The following EIF4E3 variants were observed in gnomAD, a reference collection of about 807,000 sequenced individuals.
EIF4E3 encodes eukaryotic translation initiation factor 4E type 3.
EIF4E3 carries 26 observed loss-of-function variants against 31.7 expected under a neutral mutation model. The observed-to-expected ratio is 0.82, with a 90% CI of 0.60 to 1.14. The LOEUF is 1.14. EIF4E3 is among the 50% of genes most tolerant of loss of function. The probability of loss-of-function intolerance (pLI) is 0.00; values close to 1 mark genes in which losing one functional copy is unlikely to be tolerated. For synonymous variants in EIF4E3, 128 were observed against 107.7 expected (o/e 1.19, Z -1.17); for missense variants, 304 against 270.9 (o/e 1.12, Z -0.86).
upstream of EIF4E3, among the ~76,000 whole-genome samples, chr3:71,726,572 T>TAA (rs895265836): frequency 2.6e-5 from 4 of 152,248 alleles, no homozygotes; most frequent in African/African-American, 9.6e-5. Flanking sequence ...ATTGACCTTC[T>TAA]ACCTGGCCTA....
chr3:71,732,543 A>G (rs991289838), intron 1 of EIF4E3, among the ~76,000 whole-genome samples: 2 of 152,230 alleles, frequency 1.3e-5, no homozygotes, highest in African/African-American at 4.8e-5. Context: ...TCCTCCTGTT[A>G]GGCACACAGA....
intron 5 of EIF4E3, among the ~76,000 whole-genome samples, chr3:71,691,136 T>G (rs904177947): frequency 2.0e-5 from 3 of 152,232 alleles, no homozygotes; most frequent in Admixed American, 1.3e-4. Context: ...CGGTCAGCTC[T>G]CTGCACTTTC....
chr3:71,741,121 T>C (rs2049816019), intron 1 of EIF4E3, among the ~76,000 whole-genome samples: 1 of 151,808 alleles, frequency 6.6e-6, no homozygotes, highest in Non-Finnish European at 1.5e-5. Context: ...GGCAACAGGG[T>C]GAGACTCCAT....
chr3:71,712,052 G>A (rs922543040), intron 1 of EIF4E3, among the ~76,000 whole-genome samples: 1 of 152,154 alleles, frequency 6.6e-6, no homozygotes, highest in Non-Finnish European at 1.5e-5. Context: ...CACAATCACG[G>A]ACTAGTTTGG....
At chr3:71,754,632 G>A, upstream of EIF4E3, 5 of 1,474,860 alleles carry the variant, frequency 3.4e-6, no homozygotes, top group African/African-American at 1.5e-5. The surrounding 1 kb of genome is among the most constrained non-coding windows in gnomAD (Gnocchi z 5.8). Flanking sequence ...CGTGGTGGTG[G>A]GCGCCACGCA....
At chr3:71,702,227 G>A (rs1443589710) in intron 2 of EIF4E3, among the ~76,000 whole-genome samples, 2 of 152,212 alleles carry the variant, frequency 1.3e-5, no homozygotes, top group Admixed American at 6.5e-5. Context: ...CAAGAGGCTG[G>A]TGGTTGTCAA....
rs551678010 is a variant in EIF4E3 at position 71,678,050 on chromosome 3, C to G, written c.*6632G>C. On this transcript the variant is annotated 3_prime_UTR_variant, in exon 7 of 7. Transcript: ENST00000425534. The stretch of plus-strand genomic sequence containing the variant: ...TACTCCCCATCAGAATACCAGATAA[C>G]CTACTAAGCGTCAGACTCCATGCTA... The G allele has an allele frequency of 7.9e-5, 12 of 152,206 alleles. No individual in the cohort carries two copies. The highest frequency in any genetic ancestry group is 2.1e-4 in the South Asian group (1 of 4,814). The allele number at this position is 152,206 out of a possible 1,614,324, so 9.4% of individuals were successfully genotyped here. A position where few individuals can be genotyped will look rare whatever the true frequency, so the allele number is the denominator to read the frequency against.
chr3:71,666,953 A>C, the EIF4E3 span, among the ~76,000 whole-genome samples: 1 of 152,164 alleles, frequency 6.6e-6, no homozygotes, highest in African/African-American at 2.4e-5. Flanking sequence ...AAAAAGAAAA[A>C]AGAAAATTTC....
intron 3 of EIF4E3, 47 bp downstream of exon 3, chr3:71,699,567 A>G (rs1201374536): frequency 6.5e-7 from 1 of 1,529,420 alleles, no homozygotes; most frequent in Admixed American, 1.7e-5. Context: ...GAGGTTCACA[A>G]ACATTTTCCT....
chr3:71,708,834 T>C (rs1209890406), intron 2 of EIF4E3, among the ~76,000 whole-genome samples: 1 of 152,156 alleles, frequency 6.6e-6, no homozygotes, highest in African/African-American at 2.4e-5. Flanking sequence ...TCTTAGCGCG[T>C]TGATTTCTCT....
intron 1 of EIF4E3, among the ~76,000 whole-genome samples, chr3:71,741,420 T>C (rs1277547552): frequency 6.6e-6 from 1 of 152,208 alleles, no homozygotes; most frequent in Non-Finnish European, 1.5e-5. Flanking sequence ...TTATTTGGAA[T>C]GAAGAGGGTC....
intron 1 of EIF4E3, among the ~76,000 whole-genome samples, chr3:71,721,163 A>T (rs1304489423): frequency 6.6e-6 from 1 of 152,332 alleles, no homozygotes; most frequent in African/African-American, 2.4e-5. Context: ...AGACTTGCAA[A>T]TGATTAGCAG....
intron 3 of EIF4E3, among the ~76,000 whole-genome samples, chr3:71,697,545 C>T (rs2049156810): frequency 6.6e-6 from 1 of 152,148 alleles, no homozygotes; most frequent in South Asian, 2.1e-4. Flanking sequence ...ACCCATTAAC[C>T]ATCCCCTGTT....
chr3:71,726,309 G>A (rs746198422), upstream of EIF4E3, among the ~76,000 whole-genome samples: 2 of 152,202 alleles, frequency 1.3e-5, no homozygotes, highest in South Asian at 2.1e-4. Flanking sequence ...AACACAGAGC[G>A]CTCTGCTTCC....
chr3:71,723,953 C>T (rs556269838), intron 1 of EIF4E3, among the ~76,000 whole-genome samples: 37 of 150,970 alleles, frequency 2.5e-4, no homozygotes, highest in Admixed American at 1.1e-3. Context: ...TATAAGAACC[C>T]AAAAGGAAAA....
chr3:71,708,276 G>T (rs2049323229), intron 2 of EIF4E3, among the ~76,000 whole-genome samples: 1 of 152,124 alleles, frequency 6.6e-6, no homozygotes, highest in Non-Finnish European at 1.5e-5. Context: ...GTAACAGAAT[G>T]AATGTAATGT....
chr3:71,724,812 C>T (rs2049605916), intron 1 of EIF4E3, among the ~76,000 whole-genome samples: 1 of 152,172 alleles, frequency 6.6e-6, no homozygotes, highest in South Asian at 2.1e-4. Context: ...CCAGGCGCCC[C>T]GCGGGGTAAG....
At position 71,682,221 on chromosome 3, in the gene EIF4E3, T is replaced by C. The variant is rs2048932692; in HGVS notation, c.*2461A>G. 2.0e-5 allele frequency: 3 copies of C among 152,332 alleles called. No homozygotes were observed. The highest frequency in any genetic ancestry group is 3.9e-4 in the East Asian group (2 of 5,182). 9.4% of individuals were successfully genotyped at this position (152,332 alleles called of 1,614,324 possible). A position where few individuals can be genotyped will look rare whatever the true frequency, so the allele number is the denominator to read the frequency against. On this transcript the variant is annotated 3_prime_UTR_variant, in exon 7 of 7. Transcript: ENST00000425534. ...ATTTCCTGGCATATATCACAGACCC[T>C]AAGGAATTACAAAGACAAAAAAGCA...
chr3:71,710,432 A>T lies in EIF4E3; in HGVS notation c.229T>A (p.Tyr77Asn). The change falls in exon 2 of 7, where the codon TAC (tyrosine) becomes AAC (asparagine). Residue 77 changes from tyrosine (Y) to asparagine (N), a missense_variant. Physicochemically the swap from Tyr to Asn is moderately radical, Grantham distance 143 (BLOSUM62 -2). Transcript: ENST00000425534. The part of the protein sequence containing the change: ...AECASNLKKI[Y>N]TVQTVQIFWS... ...CTTACCTGTACTGTCTGTACTGTGT[A>T]GATTTTCTTCAGATTTGATGCGCAC... 2 of 1,552,184 alleles carry T rather than the reference A, an allele frequency of 1.3e-6. No individual in the cohort carries two copies. The highest frequency in any genetic ancestry group is 1.7e-6 in the Non-Finnish European group (2 of 1,147,098).
Sources: allele counts gnomAD v4.1 joint callset (sites outside exome capture counted in the v4.1 genomes callset), GRCh38; gene constraint gnomAD v4.1.1; non-coding constraint Gnocchi (gnomAD v3.1); transcripts MANE v1.5; gene names NCBI Gene and HGNC (gene_info 2026-07-23, HGNC 2026-07-21).